Variants in CTNNA3 observed in about 807,000 individuals in gnomAD.
The protein encoded by CTNNA3 is catenin alpha 3.
CTNNA3 carries 76 observed loss-of-function variants against 95.7 expected under a neutral mutation model. The ratio of observed to expected loss-of-function variants is 0.79; its 90% CI spans 0.66 to 0.96. CTNNA3 has a LOEUF of 0.96. Among genes scored for constraint, CTNNA3 ranks in the 40% least tolerant of loss-of-function variants. The pLI is 0.00. For synonymous variants in CTNNA3, 431 were observed against 374.4 expected (o/e 1.15, Z -1.74); for missense variants, 1,191 against 1,089.8 (o/e 1.09, Z -1.31).
intron 7 of CTNNA3, among the ~76,000 whole-genome samples, chr10:66,997,017 C>G (rs549224767): frequency 6.6e-6 from 1 of 152,194 alleles, no homozygotes; most frequent in East Asian, 1.9e-4. Context: ...ATTTAGCTGC[C>G]TGGATAGCAG....
At position 67,468,296 on chromosome 10, in the gene CTNNA3, A is replaced by G. The variant is rs1847679672; in HGVS notation, c.579+53546T>C. On this transcript the variant is annotated intron_variant, in intron 5 of 17. Coordinates refer to ENST00000433211, the MANE Select transcript of CTNNA3 (RefSeq NM_013266.4). ...GTAGTCCCAGCTACTCAGGAGGCTG[A>G]CGGGGGAGGATTGCTTCAGCCTAGA... is the stretch of plus-strand genomic sequence containing the variant. Among the ~76,000 whole-genome samples, 5 of 152,060 alleles carry G rather than the reference A, an allele frequency of 3.3e-5. No homozygotes were observed. In the South Asian group the frequency reaches 1.0e-3, roughly 32 times the overall value.
intron 13 of CTNNA3, among the ~76,000 whole-genome samples, chr10:66,225,874 T>C (rs982176946): frequency 4.6e-5 from 7 of 152,080 alleles, no homozygotes; most frequent in Non-Finnish European, 1.0e-4. Flanking sequence ...ATGTCTTATT[T>C]TGAGAAATGT....
chr10:66,487,080 C>T (rs1839754953), intron 11 of CTNNA3, among the ~76,000 whole-genome samples: 1 of 147,326 alleles, frequency 6.8e-6, no homozygotes, highest in East Asian at 2.1e-4. Context: ...AGGGCATAAA[C>T]TTTCTGTTAT....
intron 2 of CTNNA3, among the ~76,000 whole-genome samples, chr10:67,620,628 T>C (rs1478519197): frequency 6.6e-6 from 1 of 152,150 alleles, no homozygotes; most frequent in Non-Finnish European, 1.5e-5. Flanking sequence ...GGAAAACTTG[T>C]AATCCCCTAC....
chr10:66,430,054 G>A (rs1225426958), intron 11 of CTNNA3, among the ~76,000 whole-genome samples: 4 of 126,884 alleles, frequency 3.2e-5, no homozygotes, highest in African/African-American at 1.0e-4. Flanking sequence ...CTTCAGCAAT[G>A]TCTCAGGATA....
intron 12 of CTNNA3, among the ~76,000 whole-genome samples, chr10:66,310,084 C>T (rs2091996806): frequency 6.6e-6 from 1 of 151,182 alleles, no homozygotes; most frequent in South Asian, 2.1e-4. Flanking sequence ...CACCACTGCA[C>T]TCCAGCCTGG....
intron 10 of CTNNA3, among the ~76,000 whole-genome samples, chr10:66,554,816 T>C (rs1237081767): frequency 1.3e-5 from 2 of 152,218 alleles, no homozygotes; most frequent in South Asian, 4.1e-4. Context: ...TTCCTTCCTG[T>C]CTTCCTCCTT....
intron 5 of CTNNA3, among the ~76,000 whole-genome samples, chr10:67,417,055 C>T (rs894235679): frequency 6.6e-6 from 1 of 151,948 alleles, no homozygotes; most frequent in African/African-American, 2.4e-5. Flanking sequence ...AGGTGCCCAT[C>T]AATGGTAGAT....
chr10:67,194,514 G>A (rs537404493), intron 6 of CTNNA3, among the ~76,000 whole-genome samples: 1 of 151,150 alleles, frequency 6.6e-6, no homozygotes, highest in South Asian at 2.1e-4. Flanking sequence ...TCTGAAAAGG[G>A]AAAAACTATG....
intron 3 of CTNNA3, among the ~76,000 whole-genome samples, chr10:67,574,433 TTTAA>T (rs1414668838): frequency 1.3e-5 from 2 of 152,148 alleles, no homozygotes; most frequent in East Asian, 3.9e-4. Flanking sequence ...TTCTATCATT[TTTAA>T]TTAGTGTCCT....
chr10:66,625,256 A>AT (rs1844893200), intron 9 of CTNNA3, among the ~76,000 whole-genome samples: 1 of 152,094 alleles, frequency 6.6e-6, no homozygotes, highest in Admixed American at 6.6e-5. Context: ...CCCTTTAAAC[A>AT]TGGCTGACCT....
At chr10:67,528,770 C>A (rs1217246682) in intron 4 of CTNNA3, among the ~76,000 whole-genome samples, 1 of 152,092 alleles carries the variant, frequency 6.6e-6, no homozygotes, top group Admixed American at 6.5e-5. Flanking sequence ...GTGACTGCCA[C>A]AAAGTAAGCA....
At chr10:67,372,022 G>A (rs1334429603) in intron 5 of CTNNA3, among the ~76,000 whole-genome samples, 1 of 151,134 alleles carries the variant, frequency 6.6e-6, no homozygotes, top group Non-Finnish European at 1.5e-5. Context: ...CTGCATAAAT[G>A]TCTTCTTTTG....
chr10:66,536,346 G>A (rs1841656968), intron 10 of CTNNA3, among the ~76,000 whole-genome samples: 1 of 151,972 alleles, frequency 6.6e-6, no homozygotes, highest in South Asian at 2.1e-4. Flanking sequence ...GCTAGGCATG[G>A]TGGTGTGCAC....
chr10:67,097,750 T>G, intron 7 of CTNNA3: 1 of 1,612,408 alleles, frequency 6.2e-7, no homozygotes, highest in Non-Finnish European at 8.5e-7. Flanking sequence ...CTGAGCACAA[T>G]CACAACAGCT....
rs79120795 is a variant in CTNNA3 at position 66,304,965 on chromosome 10, A to C, written c.1733-24344T>G. ...AGTTTTCAAAGGTTCAAAACAAAAAATTTCAGTCATATGAACTTTTGTGGT... is the reference window on the plus strand; with the variant it reads ...AGTTTTCAAAGGTTCAAAACAAAAACTTTCAGTCATATGAACTTTTGTGGT... On this transcript the variant is annotated intron_variant, in intron 12 of 17. Transcript: ENST00000433211. Among the ~76,000 whole-genome samples, 1,236 of 152,194 alleles carry C rather than the reference A, an allele frequency of 8.1e-3. 11 individuals are homozygous for C. Among genetic ancestry groups the C allele is most frequent in the Middle Eastern group, 0.02 (6 of 294 alleles).
At chr10:67,436,960 A>G (rs1846324111) in intron 5 of CTNNA3, among the ~76,000 whole-genome samples, 1 of 152,208 alleles carries the variant, frequency 6.6e-6, no homozygotes, top group African/African-American at 2.4e-5. Context: ...TGATCCAGCA[A>G]TCCCACTAAT....
intron 3 of CTNNA3, among the ~76,000 whole-genome samples, chr10:67,590,532 T>C (rs926370176): frequency 1.3e-5 from 2 of 152,096 alleles, no homozygotes; most frequent in Non-Finnish European, 1.5e-5. Flanking sequence ...GTTTAAAAGA[T>C]CCTATTGCTT....
intron 13 of CTNNA3, among the ~76,000 whole-genome samples, chr10:66,112,072 A>G (rs2082140891): frequency 6.6e-6 from 1 of 152,206 alleles, no homozygotes; most frequent in African/African-American, 2.4e-5. Flanking sequence ...TCTCAACGCT[A>G]GTGAAGATTC....
Sources: allele counts gnomAD v4.1 joint callset (sites outside exome capture counted in the v4.1 genomes callset), GRCh38; gene constraint gnomAD v4.1.1; transcripts MANE v1.5; gene names NCBI Gene and HGNC (gene_info 2026-07-23, HGNC 2026-07-21).